Variants in ARHGAP24 observed in about 807,000 individuals in gnomAD.
The protein encoded by ARHGAP24 is Rho GTPase activating protein 24, also known as rho GTPase-activating protein 24.
In ARHGAP24, 50 loss-of-function variants were observed where a neutral mutation model predicts 76.4. The ratio of observed to expected loss-of-function variants is 0.65; its 90% CI spans 0.52 to 0.83. The LOEUF (loss-of-function observed/expected upper bound fraction) is 0.83. Among genes scored for constraint, ARHGAP24 ranks in the 40% least tolerant of loss-of-function variants. ARHGAP24 has a pLI of 0.00. For synonymous variants in ARHGAP24, 345 were observed against 323.3 expected (o/e 1.07, Z -0.72); for missense variants, 930 against 914.2 (o/e 1.02, Z -0.22).
chr4:85,852,669 A>G (rs1440569739), intron 3 of ARHGAP24, among the ~76,000 whole-genome samples: 1 of 152,152 alleles, frequency 6.6e-6, no homozygotes, highest in Non-Finnish European at 1.5e-5. Context: ...TGTTGATGCT[A>G]TTCCTTTCTG....
At chr4:85,811,555 C>T (rs77514983) in intron 3 of ARHGAP24, among the ~76,000 whole-genome samples, 3,045 of 152,240 alleles carry the variant, frequency 0.02, 107 homozygotes, top group African/African-American at 0.07. Context: ...AGGTTTCACC[C>T]TAAAGTTTTA....
intron 4 of ARHGAP24, chr4:85,930,962 C>G: frequency 6.2e-7 from 1 of 1,613,536 alleles, no homozygotes; most frequent in Non-Finnish European, 8.5e-7. Context: ...GGGGGGTGCC[C>G]GGCTGGTGCC....
intron 3 of ARHGAP24, among the ~76,000 whole-genome samples, chr4:85,816,278 CTT>C (rs1345052907): frequency 6.6e-6 from 1 of 152,188 alleles, no homozygotes; most frequent in African/African-American, 2.4e-5. Flanking sequence ...CTAACTGAAA[CTT>C]TGCACCCTTT....
chr4:85,559,028 A>G (rs1726495852), intron 1 of ARHGAP24, among the ~76,000 whole-genome samples: 1 of 152,206 alleles, frequency 6.6e-6, no homozygotes, highest in Admixed American at 6.5e-5. Context: ...TAAAAATTAT[A>G]GACATCAGGG....
intron 3 of ARHGAP24, among the ~76,000 whole-genome samples, chr4:85,733,881 T>G (rs1000858775): frequency 2.6e-5 from 4 of 152,222 alleles, no homozygotes; most frequent in Admixed American, 6.5e-5. Flanking sequence ...TATTGGGGGT[T>G]TGAAGTTCCT....
At chr4:85,613,832 A>G (rs1000726238) in intron 2 of ARHGAP24, among the ~76,000 whole-genome samples, 12 of 152,294 alleles carry the variant, frequency 7.9e-5, no homozygotes, top group Admixed American at 5.2e-4. Flanking sequence ...AAGGAGCTTC[A>G]TGGTCACCAC....
intron 1 of ARHGAP24, among the ~76,000 whole-genome samples, chr4:85,544,654 A>G (rs1181967630): frequency 2.0e-5 from 3 of 152,044 alleles, no homozygotes; most frequent in Non-Finnish European, 4.4e-5. Context: ...ATTTATGTGA[A>G]GCCATTTATA....
At chr4:85,742,021 G>C (rs767642604) in intron 3 of ARHGAP24, among the ~76,000 whole-genome samples, 19 of 152,202 alleles carry the variant, frequency 1.2e-4, no homozygotes, top group Non-Finnish European at 1.8e-4. Flanking sequence ...TTGCCAGAGT[G>C]GGGGAGGGAG....
At chr4:85,959,926 T>C (rs1246621612) in intron 5 of ARHGAP24, among the ~76,000 whole-genome samples, 1 of 152,192 alleles carries the variant, frequency 6.6e-6, no homozygotes, top group Non-Finnish European at 1.5e-5. Context: ...AACCTTTTTT[T>C]CATGTGATTA....
chr4:85,847,878 A>G (rs892485814), intron 3 of ARHGAP24, among the ~76,000 whole-genome samples: 1 of 152,122 alleles, frequency 6.6e-6, no homozygotes, highest in African/African-American at 2.4e-5. Context: ...CCCAAAAATG[A>G]GCATTGTTCA....
intron 3 of ARHGAP24, among the ~76,000 whole-genome samples, chr4:85,733,060 C>CCCTTTTTTTTTTTTTTTTTTTTTT (rs1460021134): frequency 1.8e-5 from 1 of 55,206 alleles, no homozygotes; most frequent in Non-Finnish European, 3.2e-5. Flanking sequence ...GCCTCACCAA[C>CCCTTTTTTTTTTTTTTTTTTTTTT]TTTTTTTTTT....
intron 5 of ARHGAP24, among the ~76,000 whole-genome samples, chr4:85,945,317 A>G (rs1483323338): frequency 6.6e-6 from 1 of 151,698 alleles, no homozygotes. Context: ...TATTTTTTGT[A>G]TATTTTGTTG....
chr4:85,697,860 G>A (rs569001266), intron 2 of ARHGAP24, among the ~76,000 whole-genome samples: 12 of 152,244 alleles, frequency 7.9e-5, no homozygotes, highest in Non-Finnish European at 1.6e-4. Flanking sequence ...GGTGAAGGGA[G>A]GTGTCAGAGA....
intron 3 of ARHGAP24, among the ~76,000 whole-genome samples, chr4:85,797,840 G>A (rs1728428054): frequency 6.6e-6 from 1 of 152,160 alleles, no homozygotes; most frequent in Non-Finnish European, 1.5e-5. Context: ...TCCTCAGAAT[G>A]CCATTATCAG....
intron 2 of ARHGAP24, among the ~76,000 whole-genome samples, chr4:85,625,386 G>C (rs918955873): frequency 6.6e-6 from 1 of 152,168 alleles, no homozygotes; most frequent in African/African-American, 2.4e-5. Context: ...GCGGTTTTGA[G>C]TGAGTTTCTT....
intron 3 of ARHGAP24, among the ~76,000 whole-genome samples, chr4:85,755,255 C>T (rs1726431333): frequency 6.6e-6 from 1 of 152,028 alleles, no homozygotes; most frequent in African/African-American, 2.4e-5. Context: ...GGGGACAATT[C>T]TCCCTTCATG....
intron 3 of ARHGAP24, among the ~76,000 whole-genome samples, chr4:85,769,487 G>T (rs1727049276): frequency 6.6e-6 from 1 of 151,966 alleles, no homozygotes; most frequent in Non-Finnish European, 1.5e-5. Context: ...AATAAAGAAA[G>T]ATAATGTTTT....
At chr4:85,556,506 C>T (rs1019955216) in intron 1 of ARHGAP24, among the ~76,000 whole-genome samples, 4 of 152,226 alleles carry the variant, frequency 2.6e-5, no homozygotes, top group East Asian at 3.9e-4. Context: ...TTCCCCAGCC[C>T]GAGGACAGTC....
intron 2 of ARHGAP24, among the ~76,000 whole-genome samples, chr4:85,639,703 TAA>T (rs3028175): frequency 1.3e-3 from 197 of 146,740 alleles, no homozygotes; most frequent in Middle Eastern, 7.2e-3. Context: ...GAATAATTGG[TAA>T]AAAAAAAAAA....
Sources: allele counts gnomAD v4.1 joint callset (sites outside exome capture counted in the v4.1 genomes callset), GRCh38; gene constraint gnomAD v4.1.1; transcripts MANE v1.5; gene names NCBI Gene and HGNC (gene_info 2026-07-23, HGNC 2026-07-21).